Variants in VWF observed in about 807,000 individuals in gnomAD.
VWF encodes the protein Factor VIII related antigen.
VWF carries 176 observed loss-of-function variants against 308.6 expected under a neutral mutation model. The ratio of observed to expected loss-of-function variants is 0.57; its 90% CI spans 0.50 to 0.65. The LOEUF is 0.65. Ranked by LOEUF, VWF falls within the 30% of genes least tolerant of loss-of-function variation. The pLI, the probability that VWF is intolerant of heterozygous loss-of-function variation, is 0.00. For missense variants in VWF, 3,146 were observed against 3,648.2 expected (o/e 0.86, Z 3.55); for synonymous variants, 1,385 against 1,443.4 (o/e 0.96, Z 0.92).
chr12:6,025,472 A>G (rs1944179565), intron 24 of VWF, 108 bp downstream of exon 24: 1 of 895,206 alleles, frequency 1.1e-6, no homozygotes, highest in South Asian at 1.4e-5. Context: ...GGTGCAGATC[A>G]TGTCAAGACA....
intron 18 of VWF, among the ~76,000 whole-genome samples, chr12:6,039,183 T>C (rs1439663353): frequency 6.6e-6 from 1 of 152,208 alleles, no homozygotes; most frequent in Non-Finnish European, 1.5e-5. Context: ...ATAAAGTCTA[T>C]GAATGTCCCC....
At chr12:5,955,810 A>G (rs956017984) in intron 47 of VWF, among the ~76,000 whole-genome samples, 2 of 152,228 alleles carry the variant, frequency 1.3e-5, no homozygotes, top group African/African-American at 4.8e-5. Context: ...TTAGAACTAG[A>G]AAACACAATA....
chr12:6,073,959 C>G (rs1944811126), intron 7 of VWF, among the ~76,000 whole-genome samples: 1 of 152,122 alleles, frequency 6.6e-6, no homozygotes, highest in African/African-American at 2.4e-5. Flanking sequence ...TTACCAAGAC[C>G]CATCGGGGGC....
Position 5,993,884 on chromosome 12 carries a change from G to C in VWF, c.6576C>G (p.Asp2192Glu). 7 of 1,613,538 alleles carry C rather than the reference G, an allele frequency of 4.3e-6. No homozygotes were observed. The highest frequency in any genetic ancestry group is 5.9e-6 in the Non-Finnish European group (7 of 1,179,936). The change falls in exon 37 of 52, where the codon GAC becomes GAG. Residue 2192 changes from aspartate (D) to glutamate (E), a missense_variant. Physicochemically the swap from Asp to Glu is conservative, Grantham distance 45 (BLOSUM62 2). Around this residue, in one of 3 missense-constraint regions of VWF, gnomAD observed 989 missense variants for 1,117.4 expected, o/e 0.89. Coordinates refer to ENST00000261405, the MANE Select transcript of VWF (RefSeq NM_000552.5). Reference sequence around the variant, plus strand: ...CACCACAGAAATCAGGTGTCCTCCAGTCAACGCAGACCCCGTTGGTCCGAC... The same window carrying C: ...CACCACAGAAATCAGGTGTCCTCCACTCAACGCAGACCCCGTTGGTCCGAC... ...HLCRTNGVCV[D>E]WRTPDFCAMS...
rs780590656 is a variant in VWF at position 6,110,444 on chromosome 12, G to A, written c.462C>T (p.Tyr154=). ...GNFQVLLSDR[Y]FNKTCGLCGN... ...CACACAGCCCGCAGGTCTTGTTGAA[G>A]TATCTGTCTGACAGCAGGACTTGAA... Residue 154 remains tyrosine (Y), a synonymous_variant, in exon 5 of 52, where the codon TAC becomes TAT. Transcript: ENST00000261405. 4 of 1,614,210 alleles carry A rather than the reference G, an allele frequency of 2.5e-6. No individual in the cohort carries two copies. Among genetic ancestry groups the A allele is most frequent in the Non-Finnish European group, 3.4e-6 (4 of 1,180,040 alleles).
In VWF at chr12:6,020,251, G is replaced by A. The variant is rs538855913; in HGVS notation, c.3675-508C>T. On this transcript the variant is annotated intron_variant, in intron 27 of 51. Transcript: ENST00000261405. The surrounding 1 kb of genome is among the most constrained non-coding windows in gnomAD (Gnocchi z 4.3). The stretch of plus-strand genomic sequence containing the variant: ...ATTGCATGAGTTTTAAAACATGTTT[G>A]ATATGTTGGGCCCTAACGAAGAGAG... Among the ~76,000 whole-genome samples the A allele has an allele frequency of 6.6e-6, 1 of 152,240 alleles. No individual in the cohort carries two copies. Among genetic ancestry groups the A allele is most frequent in the Non-Finnish European group, 1.5e-5 (1 of 68,050 alleles).
At chr12:6,029,572 T>C (rs1201355784) in intron 21 of VWF, 84 bp from the exon 22 acceptor site, 17 of 1,569,914 alleles carry the variant, frequency 1.1e-5, no homozygotes, top group Non-Finnish European at 1.4e-5. Context: ...CACCTGCCCA[T>C]CTGTCTTCAG....
intron 6 of VWF, among the ~76,000 whole-genome samples, chr12:6,087,432 C>T (rs1233025529): frequency 1.4e-5 from 2 of 145,888 alleles, no homozygotes; most frequent in East Asian, 4.3e-4. Context: ...GATCTCGGCT[C>T]ACTGCAAGCT....
chr12:6,092,154 T>TA (rs1233332135), intron 6 of VWF, among the ~76,000 whole-genome samples: 2 of 152,102 alleles, frequency 1.3e-5, no homozygotes, highest in East Asian at 3.9e-4. Context: ...TAAGCCCCCC[T>TA]ACCGACTAAA....
At chr12:6,051,286 C>A (rs755974113) in intron 16 of VWF, among the ~76,000 whole-genome samples, 4 of 117,526 alleles carry the variant, frequency 3.4e-5, no homozygotes, top group Non-Finnish European at 1.7e-5. Context: ...TTCTTTTTTT[C>A]TTTTTTTTTT....
intron 3 of VWF, 43 bp from the exon 4 acceptor site, chr12:6,111,011 C>G: frequency 2.0e-6 from 3 of 1,514,228 alleles, no homozygotes; most frequent in Non-Finnish European, 2.8e-6. Context: ...TTACTCCTCT[C>G]AAAAAATGAA....
Position 5,951,809 on chromosome 12 carries a change from G to A in VWF, c.8155+35C>T, listed in dbSNP as rs1408028608. 2.5e-6 allele frequency: 4 copies of A among 1,613,490 alleles called. No homozygotes were observed. The East Asian group carries it at 6.7e-5, about 27-fold the overall frequency. The stretch of plus-strand genomic sequence containing the variant: ...AAGAGCCCCTGGACTTGCTCTGATG[G>A]GTTTCAAGGGACAAGATATTAGTAA... On this transcript the variant is annotated intron_variant, in intron 50 of 51. Transcript: ENST00000261405.
intron 35 of VWF, among the ~76,000 whole-genome samples, chr12:5,995,704 A>G (rs141600372): frequency 6.6e-6 from 1 of 152,312 alleles, no homozygotes; most frequent in Non-Finnish European, 1.5e-5. Flanking sequence ...TTCCGAGTGA[A>G]CAATCCTGAT....
chr12:6,069,195 T>C (rs771171309), intron 10 of VWF, among the ~76,000 whole-genome samples: 1 of 152,104 alleles, frequency 6.6e-6, no homozygotes, highest in Non-Finnish European at 1.5e-5. Flanking sequence ...ACCATCTCAT[T>C]GATTGCTCCT....
chr12:5,992,066 G>T, intron 37 of VWF, 48 bp from the exon 38 acceptor site: 1 of 1,561,378 alleles, frequency 6.4e-7, no homozygotes, highest in Non-Finnish European at 8.8e-7. Context: ...ACCAGCCAGA[G>T]TGAAATGGGC....
intron 24 of VWF, among the ~76,000 whole-genome samples, chr12:6,025,038 A>G (rs1485563332): frequency 1.3e-5 from 1 of 75,788 alleles, no homozygotes; most frequent in African/African-American, 7.8e-5. Context: ...AAAAAAAAAA[A>G]GAGAGAGACA....
intron 34 of VWF, among the ~76,000 whole-genome samples, chr12:6,007,852 A>G (rs1943946892): frequency 6.6e-6 from 1 of 152,172 alleles, no homozygotes; most frequent in Non-Finnish European, 1.5e-5. Context: ...AATCAGAAAT[A>G]GAAGAGCTTA....
At chr12:5,992,662 C>T (rs952445290) in intron 37 of VWF, among the ~76,000 whole-genome samples, 6 of 152,134 alleles carry the variant, frequency 3.9e-5, no homozygotes, top group Non-Finnish European at 7.3e-5. Context: ...ATTAGGAATA[C>T]ACAGCTTAGA....
intron 5 of VWF, among the ~76,000 whole-genome samples, chr12:6,106,412 T>C (rs946682767): frequency 6.6e-6 from 1 of 152,056 alleles, no homozygotes; most frequent in East Asian, 1.9e-4. Context: ...GAAAGTAAAA[T>C]GATGGTTTCC....
Sources: gnomAD v4.1 joint callset for allele counts (sites outside exome capture counted in the v4.1 genomes callset) on GRCh38, gnomAD v4.1.1 for gene constraint, gnomAD v4.1.1 regional missense constraint, Gnocchi (gnomAD v3.1) non-coding constraint, MANE v1.5 for transcripts, NCBI Gene and HGNC (gene_info 2026-07-23, HGNC 2026-07-21) for gene names.